The following TTC6 variants were observed in gnomAD, a reference collection of about 807,000 sequenced individuals.
TTC6 encodes the protein tetratricopeptide repeat domain 6.
In TTC6, 172 loss-of-function variants were observed where a neutral mutation model predicts 210.4. The ratio of observed to expected loss-of-function variants is 0.82; its 90% CI spans 0.72 to 0.93. The LOEUF is 0.93. Among genes scored for constraint, TTC6 ranks in the 40% least tolerant of loss-of-function variants. The probability of loss-of-function intolerance (pLI) is 0.00; values close to 1 mark genes in which losing one functional copy is unlikely to be tolerated. For missense variants in TTC6, 2,414 were observed against 2,318.1 expected (o/e 1.04, Z -0.85); for synonymous variants, 804 against 819.6 (o/e 0.98, Z 0.32).
intron 20 of TTC6, among the ~76,000 whole-genome samples, chr14:37,797,867 G>A (rs1464114243): frequency 1.3e-5 from 2 of 151,832 alleles, no homozygotes; most frequent in Non-Finnish European, 2.9e-5. Flanking sequence ...TTCTCCATAT[G>A]GGTATTTAAA....
chr14:37,782,628 C>T (rs1301705026), intron 14 of TTC6, among the ~76,000 whole-genome samples: 1 of 152,028 alleles, frequency 6.6e-6, no homozygotes. Context: ...TTTCTTTCTC[C>T]TGCCTAATTG....
intron 1 of TTC6, among the ~76,000 whole-genome samples, chr14:37,647,709 A>G (rs1317764602): frequency 6.6e-6 from 1 of 152,146 alleles, no homozygotes; most frequent in Non-Finnish European, 1.5e-5. Flanking sequence ...GGAAGTCATC[A>G]GTGATCAGAT....
At position 37,776,043 on chromosome 14, in the gene TTC6, C is replaced by CTT. The variant is rs1163694975; in HGVS notation, c.3267-11401_3267-11400dup. Among the ~76,000 whole-genome samples, 225 of 26,298 alleles carry CTT rather than the reference C, an allele frequency of 8.6e-3. 1 individual carries two copies. Among genetic ancestry groups the CTT allele is most frequent in the African/African-American group, 0.012 (109 of 9,418 alleles). The allele number at this position is 26,298 out of a possible 152,430, so 17.3% of individuals were successfully genotyped here. ...TTTGGCGTACCACTGGGTCTTGATT[C>CTT]TTTTTTTTTTTTTTTTTTTTTTTTT... On this transcript the variant is annotated intron_variant, in intron 14 of 30. Coordinates refer to ENST00000553443, the Ensembl canonical transcript of TTC6.
rs1336646688 is a variant in TTC6, at chr14:37,812,828, C to A, written c.4689+395C>A. On this transcript the variant is annotated intron_variant, in intron 25 of 30. Transcript: ENST00000553443. ...CAAAATAAATCTGTTTCAAACAGGG[C>A]AGGAAATAGTTACTCAGAATGGGTT... Among the ~76,000 whole-genome samples the A allele has an allele frequency of 4.6e-5, 7 of 152,116 alleles. No individual in the cohort carries two copies. In the East Asian group the frequency reaches 1.2e-3, roughly 25 times the overall value.
At chr14:37,821,743 C>T (rs910702910) in intron 26 of TTC6, among the ~76,000 whole-genome samples, 2 of 146,244 alleles carry the variant, frequency 1.4e-5, no homozygotes, top group African/African-American at 5.1e-5. Context: ...CTGAACACAT[C>T]AAGGAGAATG....
chr14:37,828,538 T>G (rs529106382), intron 29 of TTC6, among the ~76,000 whole-genome samples: 1 of 152,194 alleles, frequency 6.6e-6, no homozygotes, highest in Non-Finnish European at 1.5e-5. Flanking sequence ...AGTGTACATT[T>G]CAGTAGTGTT....
intron 1 of TTC6, among the ~76,000 whole-genome samples, chr14:37,648,185 T>A (rs1236480438): frequency 1.3e-5 from 2 of 152,194 alleles, no homozygotes; most frequent in Non-Finnish European, 2.9e-5. Flanking sequence ...AAAGTGGTGA[T>A]AATAGGAGTT....
intron 1 of TTC6, among the ~76,000 whole-genome samples, chr14:37,656,537 G>GTGTGTT (rs2095723733): frequency 6.6e-6 from 1 of 151,500 alleles, no homozygotes; most frequent in African/African-American, 2.4e-5. Context: ...GTGTGTGTGT[G>GTGTGTT]TGTGCGTGTG....
chr14:37,787,443 G>A (rs1335579367), intron 14 of TTC6, 25 bp from the exon 17 acceptor site: 6 of 1,474,148 alleles, frequency 4.1e-6, no homozygotes, highest in Non-Finnish European at 5.4e-6. Context: ...TACAGTACTT[G>A]TTAAAACAAA....
chr14:37,671,363 G>T (rs1161674231), intron 1 of TTC6, among the ~76,000 whole-genome samples: 1 of 152,090 alleles, frequency 6.6e-6, no homozygotes, highest in African/African-American at 2.4e-5. Context: ...GATTACACAG[G>T]TCTGCCCTAT....
intron 7 of TTC6, among the ~76,000 whole-genome samples, chr14:37,734,739 C>T (rs2095896991): frequency 6.6e-6 from 1 of 151,866 alleles, no homozygotes; most frequent in Non-Finnish European, 1.5e-5. Flanking sequence ...ATATAAGTAA[C>T]ACTGTAAGTG....
rs565089149 is a variant in TTC6, at chr14:37,770,355, C to T, written c.3267-17113C>T. Among the ~76,000 whole-genome samples, 22 of 152,186 alleles carry T rather than the reference C, an allele frequency of 1.4e-4. No individual in the cohort carries two copies. In the South Asian group the frequency reaches 4.4e-3, roughly 30 times the overall value. ...AGAGCTGAGTTCAATTCCTGGGTAT[C>T]CTTGTTGACTTTCTGTCTCATTGAA... On this transcript the variant is annotated intron_variant, in intron 14 of 30. Coordinates refer to ENST00000553443, the Ensembl canonical transcript of TTC6.
intron 1 of TTC6, among the ~76,000 whole-genome samples, chr14:37,626,080 G>A (rs943645904): frequency 1.3e-5 from 2 of 152,146 alleles, no homozygotes; most frequent in African/African-American, 4.8e-5. Context: ...GTCTCTAGAT[G>A]TTGCCAGATG....
chr14:37,818,905 T>C (rs1208999671), intron 26 of TTC6, among the ~76,000 whole-genome samples: 1 of 152,182 alleles, frequency 6.6e-6, no homozygotes, highest in African/African-American at 2.4e-5. Context: ...TCCGAGCTTG[T>C]TGCATTCTGT....
intron 1 of TTC6, among the ~76,000 whole-genome samples, chr14:37,678,623 G>C (rs2138530628): frequency 6.6e-6 from 1 of 152,214 alleles, no homozygotes; most frequent in Non-Finnish European, 1.5e-5. Flanking sequence ...GCCTTTTTGT[G>C]CCATGTTCTG....
intron 1 of TTC6, among the ~76,000 whole-genome samples, chr14:37,655,035 C>T (rs1249704249): frequency 2.0e-5 from 3 of 152,132 alleles, no homozygotes; most frequent in Non-Finnish European, 4.4e-5. Flanking sequence ...GGAAATACTG[C>T]GAGGGAGTTA....
chr14:37,742,258 G>A (rs1243153086), intron 10 of TTC6, among the ~76,000 whole-genome samples: 1 of 152,194 alleles, frequency 6.6e-6, no homozygotes, highest in East Asian at 1.9e-4. Context: ...TCCTGCGAGT[G>A]ACCCTGTGGT....
Position 37,622,169 on chromosome 14 carries a change from A to G in TTC6, c.105A>G (p.Arg35=), listed in dbSNP as rs1236688305. ...AGGAAACTAAAAAGGATTTTCTCCG[A>G]TTCAAGCAGAAGTTGGCCTCCAAGC... is the stretch of plus-strand genomic sequence containing the variant. Residue 35 remains arginine, a synonymous_variant, in exon 1 of 31, where the codon CGA becomes CGG. Transcript: ENST00000553443. 2.0e-6 allele frequency: 3 copies of G among 1,535,530 alleles called. No homozygotes were observed. In the Admixed American group the frequency reaches 5.9e-5, roughly 30 times the overall value.
At chr14:37,791,230 G>C (rs563686866) in intron 16 of TTC6, among the ~76,000 whole-genome samples, 7 of 152,150 alleles carry the variant, frequency 4.6e-5, no homozygotes, top group African/African-American at 1.7e-4. Context: ...CTATGGACAG[G>C]ATACAACTCA....
Sources: gnomAD v4.1 joint callset for allele counts (sites outside exome capture counted in the v4.1 genomes callset) on GRCh38, gnomAD v4.1.1 for gene constraint, MANE v1.5 for transcripts, NCBI Gene and HGNC (gene_info 2026-07-23, HGNC 2026-07-21) for gene names.